Variants in GRK7 observed in about 807,000 individuals in gnomAD.
GRK7 encodes the protein G protein-coupled receptor kinase 7, also known as rhodopsin kinase GRK7.
A neutral mutation model predicts 34.1 loss-of-function variants in GRK7; 24 were observed. The ratio of observed to expected loss-of-function variants is 0.70; its 90% CI spans 0.51 to 0.99. The LOEUF is 0.99. Ranked by LOEUF, GRK7 falls within the 50% of genes least tolerant of loss-of-function variation. The pLI, the probability that GRK7 is intolerant of heterozygous loss-of-function variation, is 0.00. For synonymous variants in GRK7, 256 were observed against 279.4 expected, an observed-to-expected ratio of 0.92 and a Z score of 0.84; for missense variants, 644 against 707.3, an observed-to-expected ratio of 0.91 and a Z score of 1.02.
chr3:141,778,155 A>G lies in GRK7; in HGVS notation c.-113-17A>G. ...AAGAGAAACCTCTTTCACACCCTCC[A>G]CGGGTCCCACCCACAGGCCACAGGA... On this transcript the variant is annotated splice_polypyrimidine_tract_variant and intron_variant, in intron 2 of 5. Transcript: ENST00000682958. This position sits in a 1 kb window ranked among gnomAD's most constrained non-coding sequence, Gnocchi z 4.1. 2 of 1,178,500 alleles carry G rather than the reference A, an allele frequency of 1.7e-6. No homozygotes were observed. The highest frequency in any genetic ancestry group is 1.6e-5 in the South Asian group (1 of 62,608). 73.0% of individuals were successfully genotyped at this position (1,178,500 alleles called of 1,614,324 possible).
chr3:141,811,433 C>T (rs947850963), intron 5 of GRK7, among the ~76,000 whole-genome samples: 2 of 152,072 alleles, frequency 1.3e-5, no homozygotes, highest in African/African-American at 4.8e-5. Flanking sequence ...TACCTTAAAG[C>T]ACTGTAAACA....
At chr3:141,804,904 C>T (rs544501165) in intron 4 of GRK7, among the ~76,000 whole-genome samples, 40 of 151,552 alleles carry the variant, frequency 2.6e-4, no homozygotes, top group African/African-American at 3.6e-4. Flanking sequence ...TTAACACATA[C>T]GCATGCTCAC....
intron 3 of GRK7, among the ~76,000 whole-genome samples, chr3:141,779,229 G>A (rs141293634): frequency 3.5e-4 from 53 of 152,036 alleles, no homozygotes; most frequent in African/African-American, 1.3e-3. Flanking sequence ...TGATAATGAA[G>A]GCACTTCAAG....
chr3:141,801,989 G>A (rs761390101), intron 4 of GRK7, among the ~76,000 whole-genome samples: 45 of 152,084 alleles, frequency 3.0e-4, no homozygotes, highest in Non-Finnish European at 5.3e-4. Flanking sequence ...GACATTAGGA[G>A]CAAAAGGTAA....
chr3:141,780,087 A>G (rs1240189596), intron 3 of GRK7, among the ~76,000 whole-genome samples: 10 of 152,240 alleles, frequency 6.6e-5, no homozygotes, highest in Admixed American at 6.5e-4. Flanking sequence ...AGGAGCCACC[A>G]AACTTTCCAC....
In GRK7 at chr3:141,766,385, G is replaced by A. The variant is rs535528989; in HGVS notation, c.-215+647G>A. Among the ~76,000 whole-genome samples the A allele has an allele frequency of 4.8e-3, 730 of 152,152 alleles. 2 individuals carry two copies. The highest frequency in any genetic ancestry group is 0.017 in the African/African-American group (702 of 41,518). ...TCACCGTGTTAGCCAGGATGGTCTC[G>A]ATCTCCTGACCTCGTGATCCACCCG... On this transcript the variant is annotated intron_variant, in intron 1 of 5. Coordinates refer to ENST00000682958, the MANE Select transcript of GRK7 (RefSeq NM_139209.3).
chr3:141,794,381 G>A (rs931448003), intron 4 of GRK7, among the ~76,000 whole-genome samples: 2 of 152,218 alleles, frequency 1.3e-5, no homozygotes, highest in South Asian at 4.1e-4. Context: ...CACAGGTGGG[G>A]AAGAGCATTT....
chr3:141,782,713 G>A (rs544700824), intron 4 of GRK7, among the ~76,000 whole-genome samples: 1 of 152,048 alleles, frequency 6.6e-6, no homozygotes, highest in South Asian at 2.1e-4. Context: ...GCTGAGGCAG[G>A]AGAATGACGT....
At chr3:141,754,193 G>A in the GRK7 span, among the ~76,000 whole-genome samples, 9 of 152,270 alleles carry the variant, frequency 5.9e-5, no homozygotes, top group Admixed American at 1.3e-4. Context: ...GAAGTCCAGG[G>A]GTAGGAAGTC....
rs150111856 is a variant in GRK7 at position 141,804,359 on chromosome 3, C to T, written c.1051-3286C>T. Among the ~76,000 whole-genome samples the T allele has an allele frequency of 6.3e-3, 955 of 152,262 alleles. 2 individuals carry two copies. Among genetic ancestry groups the T allele is most frequent in the Non-Finnish European group, 9.8e-3 (669 of 68,014 alleles). ...CAGTTTCTCAATCCCATCTCCCCTC[C>T]CTCCATGGCATGCCCCAAATCATGT... On this transcript the variant is annotated intron_variant, in intron 4 of 5. Coordinates refer to ENST00000682958, the MANE Select transcript of GRK7 (RefSeq NM_139209.3).
At chr3:141,783,662 G>A (rs566993432) in intron 4 of GRK7, among the ~76,000 whole-genome samples, 21 of 152,312 alleles carry the variant, frequency 1.4e-4, no homozygotes, top group African/African-American at 4.6e-4. Context: ...CTCTGGAAGG[G>A]GGAGACTGGT....
At chr3:141,799,973 G>A (rs556082366) in intron 4 of GRK7, among the ~76,000 whole-genome samples, 1 of 152,166 alleles carries the variant, frequency 6.6e-6, no homozygotes, top group Non-Finnish European at 1.5e-5. Flanking sequence ...TTTGAAATGT[G>A]CTCATTGGAC....
intron 4 of GRK7, among the ~76,000 whole-genome samples, chr3:141,783,585 G>C (rs1249565311): frequency 6.6e-6 from 1 of 152,174 alleles, no homozygotes; most frequent in South Asian, 2.1e-4. Context: ...GGAAATCAGT[G>C]TAAGGGAATG....
chr3:141,792,403 CAAAAA>C (rs112448886), intron 4 of GRK7, among the ~76,000 whole-genome samples: 1 of 84,610 alleles, frequency 1.2e-5, no homozygotes, highest in Non-Finnish European at 2.8e-5. Flanking sequence ...GATTTTGTCT[CAAAAA>C]AAAAAAAAAA....
intron 5 of GRK7, among the ~76,000 whole-genome samples, chr3:141,808,648 G>A (rs1263052850): frequency 2.0e-5 from 3 of 152,082 alleles, no homozygotes; most frequent in Non-Finnish European, 4.4e-5. Flanking sequence ...AGGGAGCAGA[G>A]GTTGCAGTGA....
chr3:141,805,174 A>G (rs185607127), intron 4 of GRK7, among the ~76,000 whole-genome samples: 121 of 152,118 alleles, frequency 8.0e-4, no homozygotes, highest in Middle Eastern at 3.4e-3. Context: ...CGCGTGCTCC[A>G]CACTCTATTG....
At chr3:141,804,173 C>T (rs567073234) in intron 4 of GRK7, among the ~76,000 whole-genome samples, 1 of 151,918 alleles carries the variant, frequency 6.6e-6, no homozygotes, top group Non-Finnish European at 1.5e-5. Context: ...TTTTCCAAGC[C>T]CTTGCACCTT....
At position 141,816,722 on chromosome 3, in the gene GRK7, C is replaced by CTGA; in HGVS notation, c.1339_1341dup (p.Asp447dup). On this transcript the variant is annotated inframe_insertion, in exon 6 of 6. Transcript: ENST00000682958. ...ATCTCCTTTCTTCACAGAGAAAAGT[C>CTGA]TGATGATCCCAGGAAACATCATTTC... 6.6e-7 allele frequency: 1 copy of CTGA among 1,520,872 alleles called. No individual in the cohort carries two copies. Among genetic ancestry groups the CTGA allele is most frequent in the Non-Finnish European group, 8.8e-7 (1 of 1,135,090 alleles). The allele number at this position is 1,520,872 out of a possible 1,614,324, so 94.2% of individuals were successfully genotyped here. A position where few individuals can be genotyped will look rare whatever the true frequency, so the allele number is the denominator to read the frequency against.
At chr3:141,802,178 C>A (rs992604913) in intron 4 of GRK7, among the ~76,000 whole-genome samples, 20 of 151,992 alleles carry the variant, frequency 1.3e-4, no homozygotes, top group Admixed American at 3.3e-4. Flanking sequence ...CAGAGAGAGA[C>A]CCCGTCTGTA....
Sources: gnomAD v4.1 joint callset for allele counts (sites outside exome capture counted in the v4.1 genomes callset) on GRCh38, gnomAD v4.1.1 for gene constraint, Gnocchi (gnomAD v3.1) non-coding constraint, MANE v1.5 for transcripts, NCBI Gene and HGNC (gene_info 2026-07-23, HGNC 2026-07-21) for gene names.